The following PARVB variants were observed in gnomAD, a reference collection of about 807,000 sequenced individuals.
PARVB encodes parvin beta, also known as beta-parvin.
PARVB carries 46 observed loss-of-function variants against 47.0 expected under a neutral mutation model. The observed-to-expected ratio is 0.98, with a 90% confidence interval of 0.77 to 1.25. PARVB has a LOEUF of 1.25. Ranked by LOEUF, PARVB falls within the 50% of genes most tolerant of loss-of-function variation. The probability of loss-of-function intolerance (pLI) is 0.00; values close to 1 mark genes in which losing one functional copy is unlikely to be tolerated. For missense variants in PARVB, 473 were observed against 471.6 expected, an observed-to-expected ratio of 1.00 and a Z score of -0.03; for synonymous variants, 196 against 196.3, an observed-to-expected ratio of 1.00 and a Z score of 0.01.
At chr22:44,027,929 A>ATATATT (rs1383648995) in intron 1 of PARVB, among the ~76,000 whole-genome samples, 1 of 148,318 alleles carries the variant, frequency 6.7e-6, no homozygotes, top group African/African-American at 2.5e-5. Flanking sequence ...ATATATATAT[A>ATATATT]TATATATATA....
chr22:44,071,424 T>A (rs2051652127), intron 1 of PARVB, among the ~76,000 whole-genome samples: 1 of 152,166 alleles, frequency 6.6e-6, no homozygotes, highest in Non-Finnish European at 1.5e-5. Context: ...CTGAATGTGT[T>A]TTTCTCTGTC....
rs1367123234 is a variant in PARVB at position 44,068,303 on chromosome 22, G to C, written c.113-25625G>C. ...TCATTGTTAATAACCCCTTTTTACC[G>C]ACGAGGAACCCAGACCAGACAGAGA... On this transcript the variant is annotated intron_variant, in intron 1 of 12. Coordinates refer to ENST00000338758, the MANE Select transcript of PARVB (RefSeq NM_013327.5). This position sits in a 1 kb window ranked among gnomAD's most constrained non-coding sequence, Gnocchi z 4.1. Among the ~76,000 whole-genome samples, 1 of 152,100 alleles carries C rather than the reference G, an allele frequency of 6.6e-6. No homozygotes were observed. Among genetic ancestry groups the C allele is most frequent in the African/African-American group, 2.4e-5 (1 of 41,420 alleles).
chr22:44,004,241 G>A (rs1416611212), intron 2 of PARVB, among the ~76,000 whole-genome samples: 1 of 152,254 alleles, frequency 6.6e-6, no homozygotes, highest in African/African-American at 2.4e-5. Flanking sequence ...TGGCAGAGGT[G>A]CTGGGGCAGG....
intron 1 of PARVB, among the ~76,000 whole-genome samples, chr22:44,083,801 G>A (rs1014881332): frequency 1.3e-5 from 2 of 152,100 alleles, no homozygotes; most frequent in Non-Finnish European, 2.9e-5. Context: ...GAGCTGGTGG[G>A]AGCCATGGGG....
intron 1 of PARVB, among the ~76,000 whole-genome samples, chr22:44,060,062 C>A (rs1379812536): frequency 6.6e-6 from 1 of 152,128 alleles, no homozygotes. Context: ...TGTCTGTCAT[C>A]CTAGCACTTT....
intron 8 of PARVB, chr22:44,142,743 T>G (rs1473672580): frequency 6.6e-6 from 1 of 152,224 alleles, no homozygotes; most frequent in Admixed American, 6.5e-5. Context: ...CGCAAGACCA[T>G]GTACAAGAGG....
At chr22:44,117,225 C>T (rs945813761) in intron 3 of PARVB, among the ~76,000 whole-genome samples, 2 of 152,102 alleles carry the variant, frequency 1.3e-5, no homozygotes, top group Admixed American at 6.5e-5. Context: ...GGGCAGAAAC[C>T]GGCCTCTGAA....
At chr22:44,060,664 G>C (rs1391890966) in intron 1 of PARVB, among the ~76,000 whole-genome samples, 1 of 152,066 alleles carries the variant, frequency 6.6e-6, no homozygotes, top group Non-Finnish European at 1.5e-5. Context: ...ACAGGCGAAG[G>C]AGAGGTCTCA....
intron 4 of PARVB, chr22:44,119,664 A>G (rs888965837): frequency 6.8e-6 from 3 of 443,266 alleles, no homozygotes; most frequent in Admixed American, 2.4e-5. Flanking sequence ...TTGTTTATTC[A>G]TCAGATGTTG....
At chr22:44,139,328 T>C (rs61515665) in intron 7 of PARVB, 42,933 of 152,354 alleles carry the variant, frequency 0.28, 6,395 homozygotes, top group East Asian at 0.57. Flanking sequence ...CCTCAGCACC[T>C]GAGTAGCTGG....
intron 4 of PARVB, among the ~76,000 whole-genome samples, chr22:44,129,858 C>T (rs558032196): frequency 1.3e-5 from 2 of 152,196 alleles, no homozygotes; most frequent in Non-Finnish European, 2.9e-5. Context: ...TTATCTGTGC[C>T]ATATCCAGCA....
upstream of PARVB, among the ~76,000 whole-genome samples, chr22:44,023,537 CAAAATAAAATAAAAT>C (rs869277920): frequency 0.028 from 3,546 of 127,188 alleles, 140 homozygotes; most frequent in African/African-American, 0.075. Flanking sequence ...TAAAACAAAA[CAAAATAAAATAAAAT>C]AAAATAAAAT....
intron 1 of PARVB, among the ~76,000 whole-genome samples, chr22:44,093,172 G>A (rs369498271): frequency 7.2e-5 from 11 of 152,334 alleles, no homozygotes; most frequent in Admixed American, 5.2e-4. Context: ...TTTGGCACCT[G>A]GTGTCTGTGT....
chr22:44,022,381 C>T (rs1055549830), upstream of PARVB, among the ~76,000 whole-genome samples: 1 of 152,162 alleles, frequency 6.6e-6, no homozygotes, highest in Non-Finnish European at 1.5e-5. Context: ...CTGCCCACAG[C>T]ACTTCTCCCC....
At position 44,016,540 on chromosome 22, in the gene PARVB, C is replaced by A. The variant is rs139313599; in HGVS notation, c.211+16867C>A. On this transcript the variant is annotated intron_variant, in intron 2 of 13. Coordinates refer to the PARVB transcript ENST00000406477. The stretch of plus-strand genomic sequence containing the variant: ...CACTTCAATAACACATCATCCTATC[C>A]AAGTGTAAACATGAAATTCGCTTAT... 4.9e-4 allele frequency among the ~76,000 whole-genome samples: 74 copies of A among 152,304 alleles called. 1 individual carries two copies. The highest frequency in any genetic ancestry group is 7.6e-4 in the Non-Finnish European group (52 of 68,042).
At chr22:44,093,272 A>G (rs561043221) in intron 1 of PARVB, among the ~76,000 whole-genome samples, 1 of 152,240 alleles carries the variant, frequency 6.6e-6, no homozygotes, top group South Asian at 2.1e-4. Flanking sequence ...TGGTTCTGGG[A>G]TTGTCCCTAA....
At chr22:44,115,979 C>T (rs1017306190) in intron 3 of PARVB, 2 of 150,434 alleles carry the variant, frequency 1.3e-5, no homozygotes, top group Non-Finnish European at 2.9e-5. Context: ...AAGTAAGGCC[C>T]TGCACCAACA....
At chr22:44,009,775 C>T (rs1178043295) in intron 2 of PARVB, among the ~76,000 whole-genome samples, 3 of 149,848 alleles carry the variant, frequency 2.0e-5, no homozygotes, top group Non-Finnish European at 4.5e-5. Flanking sequence ...CATATATATG[C>T]TCATATATGC....
At chr22:44,131,066 T>TCCCTCCCG (rs1193193056) in intron 4 of PARVB, among the ~76,000 whole-genome samples, 1 of 43,576 alleles carries the variant, frequency 2.3e-5, no homozygotes, top group Admixed American at 3.0e-4. Flanking sequence ...CCTCCCTCCC[T>TCCCTCCCG]CTCTCTCTCT....
Sources: gnomAD v4.1 joint callset for allele counts (sites outside exome capture counted in the v4.1 genomes callset) on GRCh38, gnomAD v4.1.1 for gene constraint, Gnocchi (gnomAD v3.1) non-coding constraint, MANE v1.5 for transcripts, NCBI Gene and HGNC (gene_info 2026-07-23, HGNC 2026-07-21) for gene names.